HADHB: variants seen among roughly 807,000 people sequenced by gnomAD.
The protein encoded by HADHB is hydroxyacyl-CoA dehydrogenase trifunctional multienzyme complex subunit beta.
Under a neutral mutation model 61.9 loss-of-function variants are expected in HADHB, and 50 were observed. The observed-to-expected ratio is 0.81, with a 90% confidence interval of 0.64 to 1.02. HADHB has a LOEUF of 1.02. Ranked by LOEUF, HADHB falls within the 50% of genes least tolerant of loss-of-function variation. HADHB has a pLI of 0.00. For synonymous variants in HADHB, 191 were observed against 201.6 expected (o/e 0.95, Z 0.45); for missense variants, 504 against 586.5 (o/e 0.86, Z 1.45).
intron 5 of HADHB, among the ~76,000 whole-genome samples, chr2:26,271,437 G>A (rs1233754025): frequency 1.3e-5 from 2 of 152,008 alleles, no homozygotes; most frequent in African/African-American, 2.4e-5. Flanking sequence ...AACCTGGGAG[G>A]CAGAGGTTGC....
rs2147826398 is a variant in HADHB, at chr2:26,279,999, G to T, written c.817G>T (p.Asp273Tyr). Residue 273 changes from aspartate to tyrosine, a missense_variant, in exon 10 of 16, where the codon GAT becomes TAT. Physicochemically the swap from Asp to Tyr is radical, Grantham distance 160. Transcript: ENST00000317799. ...DVVPFKVPGK[D>Y]TVTKDNGIRP... ...AAAATTCATTTTTTTAATAGGAAAA[G>T]ATACAGTTACCAAAGATAATGGCAT... The T allele has an allele frequency of 6.2e-7, 1 of 1,608,028 alleles. No individual in the cohort carries two copies. The highest frequency in any genetic ancestry group is 8.5e-7 in the Non-Finnish European group (1 of 1,176,194).
chr2:26,266,233 T>C (rs1321298521), intron 4 of HADHB, among the ~76,000 whole-genome samples: 1 of 151,992 alleles, frequency 6.6e-6, no homozygotes. Flanking sequence ...ATATGAGCTA[T>C]GCTATTGCAC....
At chr2:26,262,914 C>T (rs967245157) in intron 3 of HADHB, among the ~76,000 whole-genome samples, 3 of 151,650 alleles carry the variant, frequency 2.0e-5, no homozygotes. Flanking sequence ...ATTTCTTAGC[C>T]TTTTTTTAAA....
intron 4 of HADHB, among the ~76,000 whole-genome samples, chr2:26,265,085 C>T (rs1049069586): frequency 3.3e-5 from 5 of 151,724 alleles, no homozygotes; most frequent in African/African-American, 4.8e-5. Flanking sequence ...ATCCACTTAA[C>T]GATGTTTCTA....
At chr2:26,265,083 A>G (rs1672022148) in intron 4 of HADHB, among the ~76,000 whole-genome samples, 1 of 152,168 alleles carries the variant, frequency 6.6e-6, no homozygotes, top group South Asian at 2.1e-4. Flanking sequence ...TAATCCACTT[A>G]ACGATGTTTC....
At chr2:26,265,597 A>AAACAACAACAACAACAAC (rs58410284) in intron 4 of HADHB, among the ~76,000 whole-genome samples, 4 of 151,624 alleles carry the variant, frequency 2.6e-5, no homozygotes, top group Non-Finnish European at 5.9e-5. Context: ...CTCCATCTCA[A>AAACAACAACAACAACAAC]AACAACAACA....
chr2:26,287,685 A>G (rs1028340221), intron 15 of HADHB, among the ~76,000 whole-genome samples: 4 of 152,232 alleles, frequency 2.6e-5, no homozygotes, highest in Admixed American at 6.5e-5. Flanking sequence ...CACGTGAGCA[A>G]TACCAACATG....
intron 10 of HADHB, among the ~76,000 whole-genome samples, chr2:26,281,059 G>A (rs1314644194): frequency 6.6e-6 from 1 of 151,834 alleles, no homozygotes; most frequent in Admixed American, 6.6e-5. Context: ...TTAGAAAACT[G>A]CTTTACACTG....
chr2:26,265,835 A>G (rs950970959), intron 4 of HADHB, among the ~76,000 whole-genome samples: 6 of 152,194 alleles, frequency 3.9e-5, no homozygotes, highest in Non-Finnish European at 5.9e-5. Context: ...GTAAGAAATG[A>G]TAGTGAATAG....
Position 26,282,825 on chromosome 2 carries a change from T to G in HADHB, c.934-20T>G, listed in dbSNP as rs1386493432. 1 of 1,582,582 alleles carries G rather than the reference T, an allele frequency of 6.3e-7. No homozygotes were observed. Among genetic ancestry groups the G allele is most frequent in the African/African-American group, 1.3e-5 (1 of 74,410 alleles). On this transcript the variant is annotated intron_variant, in intron 10 of 15. Transcript: ENST00000317799. ...CAGACAGGCTGAAGAATTTTAACAT[T>G]GTGCTGGTTAACATTTCAGACTGAT...
At chr2:26,257,342 G>T (rs1469524175) in intron 3 of HADHB, among the ~76,000 whole-genome samples, 1 of 151,650 alleles carries the variant, frequency 6.6e-6, no homozygotes, top group East Asian at 2.0e-4. Context: ...GGATGGTCTC[G>T]ATCTCCTGAC....
intron 3 of HADHB, chr2:26,261,315 C>A (rs1027762260): frequency 5.4e-5 from 23 of 425,850 alleles, no homozygotes; most frequent in African/African-American, 4.4e-4. Flanking sequence ...GGAGAACAGG[C>A]ATTGCAGAAT....
chr2:26,267,859 A>T (rs1416401802), intron 4 of HADHB, among the ~76,000 whole-genome samples: 1 of 151,430 alleles, frequency 6.6e-6, no homozygotes, highest in Non-Finnish European at 1.5e-5. Context: ...ATATAGGAGG[A>T]CTGTGTACAG....
Position 26,290,010 on chromosome 2 carries a change from A to G in HADHB, c.*57A>G. The G allele has an allele frequency of 9.7e-7, 1 of 1,035,686 alleles. No homozygotes were observed. Among genetic ancestry groups the G allele is most frequent in the Non-Finnish European group, 1.5e-6 (1 of 652,340 alleles). 64.2% of individuals were successfully genotyped at this position (1,035,686 alleles called of 1,614,324 possible). On this transcript the variant is annotated 3_prime_UTR_variant, in exon 16 of 16. Coordinates refer to ENST00000317799, the MANE Select transcript of HADHB (RefSeq NM_000183.3). ...TGCAACACTCACACTAGGCAATGCC[A>G]TTTCAATGCATTACTAAATGACATT...
At chr2:26,280,767 T>C (rs1396613874) in intron 10 of HADHB, among the ~76,000 whole-genome samples, 2 of 144,954 alleles carry the variant, frequency 1.4e-5, no homozygotes, top group East Asian at 4.2e-4. Flanking sequence ...GCAAGAGAAT[T>C]GCTTGAACCC....
intron 4 of HADHB, among the ~76,000 whole-genome samples, chr2:26,267,280 C>T (rs1195105379): frequency 6.6e-6 from 1 of 151,724 alleles, no homozygotes; most frequent in Non-Finnish European, 1.5e-5. Context: ...AGGGCTGAGC[C>T]AGAGAAAAGA....
chr2:26,282,783 G>C lies in HADHB; in HGVS notation c.934-62G>C. ...AGATTCAGGTACAGATATATAAGAT[G>C]GCTGGAGAAAGACCTCCAGACAGGC... On this transcript the variant is annotated intron_variant, in intron 10 of 15. Coordinates refer to ENST00000317799, the MANE Select transcript of HADHB (RefSeq NM_000183.3). The C allele has an allele frequency of 4.4e-6, 5 of 1,125,990 alleles. No individual in the cohort carries two copies. The South Asian group carries it at 6.3e-5, about 14-fold the overall frequency. The allele number at this position is 1,125,990 out of a possible 1,614,324, so 69.7% of individuals were successfully genotyped here. A position where few individuals can be genotyped will look rare whatever the true frequency, so the allele number is the denominator to read the frequency against.
At chr2:26,282,788 G>C in intron 10 of HADHB, 57 bp from the exon 11 acceptor site, 1 of 1,230,092 alleles carries the variant, frequency 8.1e-7, no homozygotes, top group Non-Finnish European at 1.2e-6. Context: ...AAGATGGCTG[G>C]AGAAAGACCT....
chr2:26,249,387 T>C (rs1406171813), intron 1 of HADHB, among the ~76,000 whole-genome samples: 2 of 151,850 alleles, frequency 1.3e-5, no homozygotes, highest in Non-Finnish European at 2.9e-5. Flanking sequence ...GGTGTGCGCC[T>C]GTAGTCCCAG....
Sources: gnomAD v4.1 joint callset for allele counts (sites outside exome capture counted in the v4.1 genomes callset) on GRCh38, gnomAD v4.1.1 for gene constraint, MANE v1.5 for transcripts, NCBI Gene and HGNC (gene_info 2026-07-23, HGNC 2026-07-21) for gene names.